Variants in SPINK8 observed in about 807,000 individuals in gnomAD.
SPINK8 encodes the protein serine peptidase inhibitor Kazal type 8 (putative), also known as serine protease inhibitor Kazal-type 8.
In SPINK8, 12 loss-of-function variants were observed where a neutral mutation model predicts 14.4. The observed-to-expected ratio is 0.83, with a 90% CI of 0.53 to 1.35. The LOEUF (loss-of-function observed/expected upper bound fraction) is 1.35. SPINK8 is among the 40% of genes most tolerant of loss of function. The pLI is 0.00. For missense variants in SPINK8, 103 were observed against 117.0 expected (o/e 0.88, Z 0.55); for synonymous variants, 32 against 37.6 (o/e 0.85, Z 0.55).
intron 6 of SPINK8, among the ~76,000 whole-genome samples, chr3:48,312,783 G>A (rs1457574000): frequency 6.6e-6 from 1 of 152,124 alleles, no homozygotes; most frequent in African/African-American, 2.4e-5. Flanking sequence ...GGGATCACAA[G>A]GTCAGAAGTT....
intron 4 of SPINK8, among the ~76,000 whole-genome samples, chr3:48,324,940 TGTTA>T (rs1366483977): frequency 6.6e-6 from 1 of 152,242 alleles, no homozygotes; most frequent in Non-Finnish European, 1.5e-5. Context: ...CCTTCAATTC[TGTTA>T]GTTTTGCTTC....
chr3:48,332,588 C>T (rs1254069748), intron 1 of SPINK8, among the ~76,000 whole-genome samples, 117 bp from the exon 2 acceptor site: 3 of 152,138 alleles, frequency 2.0e-5, no homozygotes, highest in Non-Finnish European at 4.4e-5. Flanking sequence ...TCTGATTCTG[C>T]GTCCCATTGA....
At position 48,306,889 on chromosome 3, in the gene SPINK8, T is replaced by C. The variant is rs2035857630; in HGVS notation, c.*103A>G. 8.2e-7 allele frequency: 1 copy of C among 1,218,324 alleles called. No homozygotes were observed. Among genetic ancestry groups the C allele is most frequent in the African/African-American group, 1.5e-5 (1 of 66,480 alleles). The allele number at this position is 1,218,324 out of a possible 1,614,324, so 75.5% of individuals were successfully genotyped here. ...TGAAGACATAAATCAACGAGTTTGATCCAACCATTAGTAATTAAAGGGGAT... is the reference window on the plus strand; with the variant it reads ...TGAAGACATAAATCAACGAGTTTGACCCAACCATTAGTAATTAAAGGGGAT... On this transcript the variant is annotated 3_prime_UTR_variant, in exon 8 of 8. Coordinates refer to ENST00000434006, the MANE Select transcript of SPINK8 (RefSeq NM_001080525.3).
chr3:48,328,291 C>A lies in SPINK8; in HGVS notation c.51G>T (p.Trp17Cys). 1.2e-6 allele frequency: 2 copies of A among 1,610,844 alleles called. No individual in the cohort carries two copies. Among genetic ancestry groups the A allele is most frequent in the East Asian group, 2.2e-5 (1 of 44,832 alleles). Residue 17 changes from tryptophan to cysteine, a missense_variant, in exon 4 of 8, where the codon TGG (tryptophan) becomes TGT (cysteine). Transcript: ENST00000434006. ...DAILVLATSM[W>C]MAFAIDFPLP... ...ATAACTCACCAATTGCAAAGGCCATCCACATGGAGGTAGCTAGAACAAGGA... is the reference window on the plus strand; with the variant it reads ...ATAACTCACCAATTGCAAAGGCCATACACATGGAGGTAGCTAGAACAAGGA...
intron 6 of SPINK8, among the ~76,000 whole-genome samples, chr3:48,315,208 A>C (rs1281763962): frequency 6.6e-6 from 1 of 152,264 alleles, no homozygotes; most frequent in East Asian, 1.9e-4. Flanking sequence ...AACAACAAAT[A>C]ACAGCAACAA....
chr3:48,318,151 T>C (rs1048511473), intron 6 of SPINK8, among the ~76,000 whole-genome samples: 3 of 151,658 alleles, frequency 2.0e-5, no homozygotes, highest in Non-Finnish European at 2.9e-5. Flanking sequence ...AATAATTTCT[T>C]TTTTTTTGAG....
intron 6 of SPINK8, 58 bp from the exon 7 acceptor site, chr3:48,310,004 C>A: frequency 1.5e-6 from 2 of 1,304,616 alleles, no homozygotes; most frequent in South Asian, 2.1e-5. Context: ...TAAATTCTGA[C>A]TAAATTTTAC....
intron 5 of SPINK8, 80 bp from the exon 6 acceptor site, chr3:48,319,698 G>A (rs2036044653): frequency 1.3e-6 from 2 of 1,577,190 alleles, no homozygotes; most frequent in Non-Finnish European, 1.7e-6. Context: ...CTTGGGAGGT[G>A]GATGGAATAC....
At chr3:48,320,274 G>C (rs1231654388) in intron 5 of SPINK8, among the ~76,000 whole-genome samples, 1 of 152,194 alleles carries the variant, frequency 6.6e-6, no homozygotes, top group Non-Finnish European at 1.5e-5. Context: ...GAAGGGCCAG[G>C]CATGGCGGCT....
At chr3:48,328,590 A>C (rs1331723419) in intron 3 of SPINK8, among the ~76,000 whole-genome samples, 3 of 152,266 alleles carry the variant, frequency 2.0e-5, no homozygotes. Context: ...AAAAAGAGTT[A>C]GTAAAGAATG....
intron 4 of SPINK8, among the ~76,000 whole-genome samples, chr3:48,327,559 G>C (rs1001442564): frequency 6.6e-6 from 1 of 152,198 alleles, no homozygotes; most frequent in African/African-American, 2.4e-5. Flanking sequence ...TGGCTGATAT[G>C]CTCAGTAGCA....
intron 3 of SPINK8, 47 bp from the exon 4 acceptor site, chr3:48,328,401 G>A: frequency 1.4e-6 from 2 of 1,411,084 alleles, no homozygotes; most frequent in South Asian, 1.2e-5. Flanking sequence ...TCTATGCGAA[G>A]TACAAGTTCT....
At chr3:48,329,817 G>T (rs1233669374) in intron 2 of SPINK8, among the ~76,000 whole-genome samples, 1 of 152,204 alleles carries the variant, frequency 6.6e-6, no homozygotes, top group African/African-American at 2.4e-5. Context: ...GTAAGCCACT[G>T]ATTTGGCCTG....
At chr3:48,325,173 T>G (rs1262325313) in intron 4 of SPINK8, among the ~76,000 whole-genome samples, 2 of 152,194 alleles carry the variant, frequency 1.3e-5, no homozygotes, top group Non-Finnish European at 2.9e-5. Flanking sequence ...TTATTTGTGT[T>G]TTTGAATCTA....
intron 6 of SPINK8, among the ~76,000 whole-genome samples, chr3:48,311,491 C>A (rs1420185231): frequency 6.6e-6 from 1 of 151,996 alleles, no homozygotes; most frequent in Non-Finnish European, 1.5e-5. Flanking sequence ...TGTAGAAAAT[C>A]CCAAATAATT....
chr3:48,311,442 A>C (rs1560014342), intron 6 of SPINK8, among the ~76,000 whole-genome samples: 1 of 152,220 alleles, frequency 6.6e-6, no homozygotes, highest in African/African-American at 2.4e-5. Flanking sequence ...GAAAGGAAGA[A>C]GTAAAATGAT....
chr3:48,328,267 T>C lies in SPINK8; in HGVS notation c.67+8A>G, dbSNP rs745387152. On this transcript the variant is annotated splice_region_variant and intron_variant, in intron 4 of 7. Transcript: ENST00000434006. Reference sequence around the variant, plus strand: ...AAAATGTGGGCAGAGCAAGGACACATAACTCACCAATTGCAAAGGCCATCC... The same window carrying C: ...AAAATGTGGGCAGAGCAAGGACACACAACTCACCAATTGCAAAGGCCATCC... 7.5e-6 allele frequency: 12 copies of C among 1,607,950 alleles called. No individual in the cohort carries two copies. The East Asian group carries it at 8.9e-5, about 12-fold the overall frequency.
chr3:48,320,933 C>T, intron 5 of SPINK8, 92 bp downstream of exon 5: 2 of 1,324,798 alleles, frequency 1.5e-6, no homozygotes, highest in East Asian at 2.5e-5. Context: ...GCCCCCTCCA[C>T]TGCCCACCTC....
intron 4 of SPINK8, among the ~76,000 whole-genome samples, chr3:48,321,440 A>T (rs1485710115): frequency 2.0e-5 from 3 of 151,864 alleles, no homozygotes; most frequent in Non-Finnish European, 4.4e-5. Flanking sequence ...AATTCAAAGC[A>T]GTCTTTGCAA....
Sources: gnomAD v4.1 joint callset for allele counts (sites outside exome capture counted in the v4.1 genomes callset) on GRCh38, gnomAD v4.1.1 for gene constraint, MANE v1.5 for transcripts, NCBI Gene and HGNC (gene_info 2026-07-23, HGNC 2026-07-21) for gene names.